PTPRK: variants seen among roughly 807,000 people sequenced by gnomAD.
PTPRK encodes the protein protein tyrosine phosphatase receptor type K.
PTPRK carries 75 observed loss-of-function variants against 178.0 expected under a neutral mutation model. That is an observed-to-expected ratio of 0.42 (90% confidence interval 0.35 to 0.51). PTPRK has a LOEUF of 0.51. PTPRK is among the 20% of genes least tolerant of loss of function. The pLI is 0.02. For missense variants in PTPRK, 1,441 were observed against 1,797.8 expected (o/e 0.80, Z 3.59); for synonymous variants, 637 against 620.6 (o/e 1.03, Z -0.39).
At chr6:128,072,929 A>C (rs1305721345) in intron 11 of PTPRK, among the ~76,000 whole-genome samples, 5 of 152,092 alleles carry the variant, frequency 3.3e-5, no homozygotes, top group Admixed American at 3.3e-4. Flanking sequence ...CATTTATCAG[A>C]ACCATAAATG....
intron 7 of PTPRK, among the ~76,000 whole-genome samples, chr6:128,128,688 A>G (rs1793755599): frequency 6.6e-6 from 1 of 152,246 alleles, no homozygotes; most frequent in African/African-American, 2.4e-5. Context: ...AGAAGAAAGA[A>G]TACAGAATTC....
intron 3 of PTPRK, among the ~76,000 whole-genome samples, chr6:128,297,979 C>T (rs1562235082): frequency 6.6e-6 from 1 of 151,750 alleles, no homozygotes; most frequent in Admixed American, 6.6e-5. Context: ...AGACTGCTAG[C>T]AAGACAAATA....
At chr6:128,184,961 T>TC (rs1312222060) in intron 6 of PTPRK, among the ~76,000 whole-genome samples, 1 of 152,110 alleles carries the variant, frequency 6.6e-6, no homozygotes, top group Non-Finnish European at 1.5e-5. Flanking sequence ...ACATTTTTTT[T>TC]CAGGAGATCA....
At chr6:128,507,527 G>A (rs1585013572) in intron 1 of PTPRK, among the ~76,000 whole-genome samples, 1 of 152,216 alleles carries the variant, frequency 6.6e-6, no homozygotes, top group African/African-American at 2.4e-5. Flanking sequence ...GCAATTAGGT[G>A]ATGGTCACAG....
intron 7 of PTPRK, among the ~76,000 whole-genome samples, chr6:128,146,891 C>T (rs1796581384): frequency 6.6e-6 from 1 of 152,118 alleles, no homozygotes; most frequent in Non-Finnish European, 1.5e-5. Context: ...TCAACAATTT[C>T]ACATCTTGTT....
At position 128,104,932 on chromosome 6, in the gene PTPRK, A is replaced by G. The variant is rs1042178110; in HGVS notation, c.1163-14940T>C. On this transcript the variant is annotated intron_variant, in intron 7 of 29. Coordinates refer to ENST00000368226, the MANE Select transcript of PTPRK (RefSeq NM_002844.4). Reference sequence around the variant, plus strand: ...ATGTTCCAAAGGTGAAAAGTCTTGGACAGAAGAAAGTGTAAACATAAAGAT... The same window carrying G: ...ATGTTCCAAAGGTGAAAAGTCTTGGGCAGAAGAAAGTGTAAACATAAAGAT... Among the ~76,000 whole-genome samples, 3 of 152,224 alleles carry G rather than the reference A, an allele frequency of 2.0e-5. No homozygotes were observed. The South Asian group carries it at 6.2e-4, about 32-fold the overall frequency.
At chr6:128,515,057 ACT>A (rs1182025107) in intron 1 of PTPRK, among the ~76,000 whole-genome samples, 2 of 152,234 alleles carry the variant, frequency 1.3e-5, no homozygotes, top group East Asian at 3.8e-4. Flanking sequence ...AAGTTTACAA[ACT>A]ATTCAGAGTT....
intron 1 of PTPRK, among the ~76,000 whole-genome samples, chr6:128,477,406 T>C (rs1038410297): frequency 6.6e-6 from 1 of 150,780 alleles, no homozygotes; most frequent in Non-Finnish European, 1.5e-5. Flanking sequence ...ATTTTCATGG[T>C]TGCATTCAAC....
At chr6:128,507,126 G>A (rs1677294384) in intron 1 of PTPRK, among the ~76,000 whole-genome samples, 1 of 152,092 alleles carries the variant, frequency 6.6e-6, no homozygotes, top group African/African-American at 2.4e-5. Flanking sequence ...AAGCAGTCAA[G>A]TTCCAATGTC....
At chr6:127,984,462 G>A (rs1160677542) in intron 22 of PTPRK, among the ~76,000 whole-genome samples, 1 of 152,132 alleles carries the variant, frequency 6.6e-6, no homozygotes, top group Admixed American at 6.6e-5. Flanking sequence ...GCGGGGAGTG[G>A]GGAATTCACT....
At chr6:128,373,520 A>C (rs1385376752) in intron 2 of PTPRK, among the ~76,000 whole-genome samples, 1 of 152,160 alleles carries the variant, frequency 6.6e-6, no homozygotes, top group Non-Finnish European at 1.5e-5. Flanking sequence ...TCCTTTATAA[A>C]GAATGTCTGG....
intron 7 of PTPRK, among the ~76,000 whole-genome samples, chr6:128,163,633 G>A (rs577196254): frequency 5.9e-5 from 9 of 151,476 alleles, no homozygotes; most frequent in South Asian, 4.1e-4. Context: ...AGCTTAGTCC[G>A]TTTGTGAGAA....
At chr6:128,221,951 C>G (rs1388925762) in intron 5 of PTPRK, among the ~76,000 whole-genome samples, 1 of 152,016 alleles carries the variant, frequency 6.6e-6, no homozygotes, top group Non-Finnish European at 1.5e-5. Context: ...TCCATACAAT[C>G]TTCCTAATTG....
chr6:128,471,396 A>ACTTCCAAAT (rs1850632172), intron 1 of PTPRK, among the ~76,000 whole-genome samples: 1 of 151,884 alleles, frequency 6.6e-6, no homozygotes, highest in Non-Finnish European at 1.5e-5. Context: ...AGAAGATTCT[A>ACTTCCAAAT]GCTATTAGGG....
At chr6:128,004,288 G>A (rs1778176328) in intron 15 of PTPRK, among the ~76,000 whole-genome samples, 1 of 151,740 alleles carries the variant, frequency 6.6e-6, no homozygotes, top group Non-Finnish European at 1.5e-5. Flanking sequence ...AAGAAACAAA[G>A]TTAGGCAATT....
chr6:127,995,068 G>A (rs1444214088), intron 18 of PTPRK, among the ~76,000 whole-genome samples: 4 of 151,938 alleles, frequency 2.6e-5, no homozygotes, highest in Non-Finnish European at 5.9e-5. Flanking sequence ...AGGGAAGGTG[G>A]TAAAATAGAT....
Position 128,064,375 on chromosome 6 carries a change from C to T in PTPRK, c.2194+383G>A, listed in dbSNP as rs536502628. Among the ~76,000 whole-genome samples, 12 of 152,226 alleles carry T rather than the reference C, an allele frequency of 7.9e-5. No individual in the cohort carries two copies. In the South Asian group the frequency reaches 2.5e-3, roughly 32 times the overall value. ...ATAATCTTATGTAAACATGAATTAG[C>T]TTGGTTCTTTTTATGTTTGATTGTC... On this transcript the variant is annotated intron_variant, in intron 13 of 29. Coordinates refer to ENST00000368226, the MANE Select transcript of PTPRK (RefSeq NM_002844.4).
intron 3 of PTPRK, among the ~76,000 whole-genome samples, chr6:128,265,780 A>G (rs1562161155): frequency 6.6e-6 from 1 of 152,182 alleles, no homozygotes; most frequent in Non-Finnish European, 1.5e-5. Context: ...AAAAATTTAA[A>G]AATTCATACA....
rs571291880 is a variant in PTPRK at position 128,297,110 on chromosome 6, G to C, written c.495+24929C>G. Among the ~76,000 whole-genome samples, 559 of 151,666 alleles carry C rather than the reference G, an allele frequency of 3.7e-3. 3 individuals carry two copies. The highest frequency in any genetic ancestry group is 0.013 in the African/African-American group (536 of 41,082). ...ATAAAACAGACTTTAAACCAACAAA[G>C]ATCAAAAGAGACAAAGAAGGCCATT... is the stretch of plus-strand genomic sequence containing the variant. On this transcript the variant is annotated intron_variant, in intron 3 of 29. Transcript: ENST00000368226.
Sources: gnomAD v4.1 joint callset for allele counts (sites outside exome capture counted in the v4.1 genomes callset) on GRCh38, gnomAD v4.1.1 for gene constraint, MANE v1.5 for transcripts, NCBI Gene and HGNC (gene_info 2026-07-23, HGNC 2026-07-21) for gene names.